The following ZNF124 variants were observed in gnomAD, a reference collection of about 807,000 sequenced individuals.
The protein encoded by ZNF124 is zinc finger protein HZF-16.
In ZNF124, 25 loss-of-function variants were observed where a neutral mutation model predicts 26.6. The observed-to-expected ratio is 0.94, with a 90% CI of 0.68 to 1.31. ZNF124 has a LOEUF of 1.31. Among genes scored for constraint, ZNF124 ranks in the 40% most tolerant of loss-of-function variants. The probability of loss-of-function intolerance (pLI) is 0.00; values close to 1 mark genes in which losing one functional copy is unlikely to be tolerated. For missense variants in ZNF124, 444 were observed against 422.2 expected (o/e 1.05, Z -0.45); for synonymous variants, 129 against 133.3 (o/e 0.97, Z 0.22).
intron 1 of ZNF124, among the ~76,000 whole-genome samples, chr1:247,162,837 A>G (rs1673564503): frequency 6.6e-6 from 1 of 152,276 alleles, no homozygotes; most frequent in East Asian, 1.9e-4. Context: ...CAGAGTTAAC[A>G]GTGGGAGGCT....
In ZNF124 at chr1:247,156,067, G is replaced by T. The variant is rs569282447; in HGVS notation, c.*499C>A. ...TTTTCCATAATATTTACATTTACAG[G>T]ATTTATTTCCAGTGGGAGTTTTCAC... On this transcript the variant is annotated 3_prime_UTR_variant, in exon 4 of 4. Transcript: ENST00000543802. 212 of 972,540 alleles carry T rather than the reference G, an allele frequency of 2.2e-4. No homozygotes were observed. The African/African-American group carries it at 3.4e-3, about 16-fold the overall frequency. The allele number at this position is 972,540 out of a possible 1,614,324, so 60.2% of individuals were successfully genotyped here. A position where few individuals can be genotyped will look rare whatever the true frequency, so the allele number is the denominator to read the frequency against.
chr1:247,143,088 C>A (rs1200669638), intron 3 of ZNF124, among the ~76,000 whole-genome samples: 3 of 152,042 alleles, frequency 2.0e-5, no homozygotes, highest in African/African-American at 7.2e-5. Context: ...CTCCTCACTT[C>A]TATTTCATCT....
rs978618055 is a variant in ZNF124 at position 247,157,204 on chromosome 1, G to A, written c.418C>T (p.His140Tyr). Residue 140 changes from histidine to tyrosine, a missense_variant, in exon 4 of 4, where the codon CAT (histidine) becomes TAT (tyrosine). Coordinates refer to ENST00000543802, the MANE Select transcript of ZNF124 (RefSeq NM_001297568.2). ...TTCTCTCCAGTGTGATTTCTCTGAT[G>A]TATCTGAAATGAACTGGGAATATTA... ...VFNIPSSFQI[H>Y]QRNHTGEKPY... is the part of the protein sequence containing the mutation. The A allele has an allele frequency of 3.1e-5, 50 of 1,613,962 alleles. No homozygotes were observed. The highest frequency in any genetic ancestry group is 4.0e-5 in the Non-Finnish European group (47 of 1,179,920).
At chr1:247,170,985 C>A (rs1193500348) in intron 1 of ZNF124, among the ~76,000 whole-genome samples, 1 of 71,214 alleles carries the variant, frequency 1.4e-5, no homozygotes, top group African/African-American at 8.1e-5. Context: ...GGGGTGGTCT[C>A]CTCCCTTAAG....
chr1:247,158,561 T>A (rs964275843), intron 3 of ZNF124, among the ~76,000 whole-genome samples: 3 of 152,202 alleles, frequency 2.0e-5, no homozygotes, highest in African/African-American at 4.8e-5. Context: ...CCATGTTACA[T>A]TGAAGTATAT....
exon 4 of ZNF124, chr1:247,122,379 T>C (rs11801681): frequency 0.19 from 29,355 of 152,186 alleles, 2,870 homozygotes; most frequent in South Asian, 0.26. Flanking sequence ...TTCTGGTATA[T>C]AACACAAATG....
At chr1:247,149,754 A>G (rs143776040) in intron 3 of ZNF124, 1 of 152,328 alleles carries the variant, frequency 6.6e-6, no homozygotes, top group Non-Finnish European at 1.5e-5. Flanking sequence ...TGGCATTCTA[A>G]TGTACAGCAC....
rs894949007 is a variant in ZNF124, at chr1:247,155,366, T to A, written c.*1200A>T. On this transcript the variant is annotated 3_prime_UTR_variant, in exon 4 of 4. Coordinates refer to ENST00000543802, the MANE Select transcript of ZNF124 (RefSeq NM_001297568.2). ...TGTAACCCACAAAATTTTTAAAAAA[T>A]TTTAAAAATATTTTATACTTTAAAT... Among the ~76,000 whole-genome samples, 3 of 151,876 alleles carry A rather than the reference T, an allele frequency of 2.0e-5. No homozygotes were observed. The highest frequency in any genetic ancestry group is 2.0e-4 in the Admixed American group (3 of 15,282).
intron 3 of ZNF124, among the ~76,000 whole-genome samples, chr1:247,140,429 G>A (rs1455289752): frequency 6.6e-6 from 1 of 152,094 alleles, no homozygotes; most frequent in African/African-American, 2.4e-5. Context: ...GAATCTTGAT[G>A]ATCTTAATTC....
chr1:247,154,642 G>GACTT (rs145636093), downstream of ZNF124, among the ~76,000 whole-genome samples: 17,381 of 151,980 alleles, frequency 0.11, 1,260 homozygotes, highest in African/African-American at 0.18. Flanking sequence ...TATATAAGAA[G>GACTT]ACTTACACTT....
chr1:247,166,053 C>A (rs113238528), intron 1 of ZNF124, among the ~76,000 whole-genome samples: 38 of 152,276 alleles, frequency 2.5e-4, no homozygotes, highest in Non-Finnish European at 5.1e-4. Context: ...TTAGCACATG[C>A]CCATAGTCCC....
At chr1:247,145,112 C>G (rs550125580) in intron 3 of ZNF124, among the ~76,000 whole-genome samples, 1 of 152,248 alleles carries the variant, frequency 6.6e-6, no homozygotes, top group East Asian at 1.9e-4. Context: ...TGTGGAATCT[C>G]AAATTTGGGA....
At chr1:247,128,728 C>T (rs1018229850) in intron 3 of ZNF124, among the ~76,000 whole-genome samples, 102 of 148,704 alleles carry the variant, frequency 6.9e-4, no homozygotes, top group Non-Finnish European at 1.3e-3. Context: ...TCTGGATTGT[C>T]TCATGCTTGT....
chr1:247,147,081 A>C (rs1337297298), intron 3 of ZNF124, among the ~76,000 whole-genome samples: 1 of 151,886 alleles, frequency 6.6e-6, no homozygotes, highest in Non-Finnish European at 1.5e-5. Context: ...TTCTGTGCAG[A>C]GTCCCATTGG....
chr1:247,133,244 A>G (rs1278658123), intron 3 of ZNF124, among the ~76,000 whole-genome samples: 1 of 152,152 alleles, frequency 6.6e-6, no homozygotes, highest in Non-Finnish European at 1.5e-5. Context: ...AGAGAGAAAA[A>G]AAAATGAAAA....
At chr1:247,137,487 C>CAAAAAAA (rs56926662) in intron 3 of ZNF124, among the ~76,000 whole-genome samples, 67 of 81,632 alleles carry the variant, frequency 8.2e-4, no homozygotes, top group African/African-American at 2.3e-3. Flanking sequence ...ACTAAAAATA[C>CAAAAAAA]AAAAAAAAAA....
chr1:247,132,288 CAGCAGCCTCAAAACTGA>C (rs1275964559), intron 3 of ZNF124, among the ~76,000 whole-genome samples: 3 of 152,090 alleles, frequency 2.0e-5, no homozygotes, highest in African/African-American at 7.2e-5. Flanking sequence ...ATCCAAGAGC[CAGCAGCCTCAAAACTGA>C]AGCTAGACAA....
intron 3 of ZNF124, among the ~76,000 whole-genome samples, chr1:247,147,998 C>T (rs940914283): frequency 6.6e-6 from 1 of 152,200 alleles, no homozygotes; most frequent in Admixed American, 6.5e-5. Flanking sequence ...TGCTTATAAG[C>T]AAGGCACCAA....
chr1:247,124,679 G>A (rs1158008824), intron 3 of ZNF124, among the ~76,000 whole-genome samples: 2 of 152,102 alleles, frequency 1.3e-5, no homozygotes, highest in South Asian at 2.1e-4. Context: ...GCCAATTCTG[G>A]ACATTTCATA....
Sources: gnomAD v4.1 joint callset for allele counts (sites outside exome capture counted in the v4.1 genomes callset) on GRCh38, gnomAD v4.1.1 for gene constraint, MANE v1.5 for transcripts, NCBI Gene and HGNC (gene_info 2026-07-23, HGNC 2026-07-21) for gene names.